KLHDC4: variants seen among roughly 807,000 people sequenced by gnomAD.
The protein encoded by KLHDC4 is kelch domain containing 4, also known as kelch domain-containing protein 4.
KLHDC4 carries 90 observed loss-of-function variants against 62.4 expected under a neutral mutation model. The observed-to-expected ratio is 1.44, with a 90% CI of 1.22 to 1.72. The LOEUF is 1.72. Among genes scored for constraint, KLHDC4 ranks in the 40% most tolerant of loss-of-function variants. The pLI is 0.00. For synonymous variants in KLHDC4, 386 were observed against 284.4 expected, an observed-to-expected ratio of 1.36 and a Z score of -3.59; for missense variants, 1,025 against 699.7, an observed-to-expected ratio of 1.47 and a Z score of -5.25.
At chr16:87,755,612 A>G (rs1432863972) in intron 3 of KLHDC4, 1 of 225,884 alleles carries the variant, frequency 4.4e-6, no homozygotes, top group African/African-American at 2.3e-5. Flanking sequence ...TGTTGCCCAC[A>G]ATGGAGTGCA....
At chr16:87,736,829 C>A (rs1052504738) in intron 5 of KLHDC4, among the ~76,000 whole-genome samples, 1 of 152,070 alleles carries the variant, frequency 6.6e-6, no homozygotes, top group African/African-American at 2.4e-5. Context: ...TCTCATTTTA[C>A]AGACAAGGAA....
chr16:87,731,326 A>G (rs374495778), intron 5 of KLHDC4, among the ~76,000 whole-genome samples: 4 of 151,436 alleles, frequency 2.6e-5, no homozygotes, highest in African/African-American at 9.7e-5. Context: ...CCTGACTCAG[A>G]CTCCCAAAGT....
chr16:87,753,898 G>C (rs973003762), intron 4 of KLHDC4, among the ~76,000 whole-genome samples: 8 of 150,804 alleles, frequency 5.3e-5, no homozygotes, highest in Non-Finnish European at 2.9e-5. Context: ...GCTTGAACCC[G>C]GCAGGCGGAG....
intron 5 of KLHDC4, among the ~76,000 whole-genome samples, chr16:87,743,539 G>C (rs1406361891): frequency 6.6e-6 from 1 of 151,868 alleles, no homozygotes; most frequent in Non-Finnish European, 1.5e-5. Flanking sequence ...AGGAGATCGA[G>C]ACCATCCTGG....
chr16:87,746,883 G>C (rs1002763589), intron 5 of KLHDC4, among the ~76,000 whole-genome samples: 2 of 152,198 alleles, frequency 1.3e-5, no homozygotes, highest in African/African-American at 2.4e-5. Flanking sequence ...AGCATTCGAG[G>C]AATGAGGTGT....
chr16:87,723,942 T>C (rs1456415565), intron 7 of KLHDC4, among the ~76,000 whole-genome samples: 1 of 152,220 alleles, frequency 6.6e-6, no homozygotes, highest in Non-Finnish European at 1.5e-5. Flanking sequence ...GTTCAAGTGA[T>C]TCTCCTATCT....
chr16:87,719,055 G>T (rs1482709935), intron 7 of KLHDC4, among the ~76,000 whole-genome samples: 1 of 151,612 alleles, frequency 6.6e-6, no homozygotes, highest in Non-Finnish European at 1.5e-5. Context: ...GAGGTGGGGG[G>T]CAGCCCCCGC....
chr16:87,723,412 C>T (rs1024609145), intron 7 of KLHDC4, among the ~76,000 whole-genome samples: 2 of 152,262 alleles, frequency 1.3e-5, no homozygotes, highest in East Asian at 1.9e-4. Flanking sequence ...GAATGACACG[C>T]GACTCTGATG....
rs201340941 is a variant in KLHDC4, at chr16:87,726,856, G to T, written c.668C>A (p.Pro223Gln). ...TCTGGGTGTGGGCCCCGTCCCTGAC[G>T]GGGACAGCTTGCTCCATGTGAAGGT... ...LDTFTWSKLS[P>Q]SGTGPTPRSG... The change falls in exon 7 of 12, where the codon CCG (proline) becomes CAG (glutamine). Residue 223 changes from proline (P) to glutamine (Q), a missense_variant. By Grantham distance (76) the Pro-to-Gln change is moderately conservative. Transcript: ENST00000270583. 7.4e-6 allele frequency: 12 copies of T among 1,613,326 alleles called. No individual in the cohort carries two copies. Among genetic ancestry groups the T allele is most frequent in the Non-Finnish European group, 1.0e-5 (12 of 1,179,764 alleles).
chr16:87,704,713 TA>T (rs562360889), downstream of KLHDC4, among the ~76,000 whole-genome samples: 1,044 of 149,730 alleles, frequency 7.0e-3, 16 homozygotes, highest in Middle Eastern at 0.024. Flanking sequence ...CCAACTCAAT[TA>T]AAAAAAAAAT....
At chr16:87,758,627 T>C (rs979728382) in intron 2 of KLHDC4, among the ~76,000 whole-genome samples, 1 of 152,082 alleles carries the variant, frequency 6.6e-6, no homozygotes, top group Non-Finnish European at 1.5e-5. Context: ...GGAAGAAGAA[T>C]TGTCTCGGGC....
At chr16:87,752,499 G>A (rs1313010574) in intron 4 of KLHDC4, among the ~76,000 whole-genome samples, 1 of 151,980 alleles carries the variant, frequency 6.6e-6, no homozygotes, top group African/African-American at 2.4e-5. Context: ...ACGACGCCCA[G>A]GTAATTTTTG....
At chr16:87,732,726 C>T (rs567986969) in intron 5 of KLHDC4, among the ~76,000 whole-genome samples, 3 of 152,254 alleles carry the variant, frequency 2.0e-5, no homozygotes, top group East Asian at 3.9e-4. Flanking sequence ...AAAAACAGCA[C>T]GTGAAAAGGC....
chr16:87,729,882 G>T (rs138345475), intron 6 of KLHDC4, among the ~76,000 whole-genome samples: 2 of 152,218 alleles, frequency 1.3e-5, no homozygotes, highest in African/African-American at 4.8e-5. Flanking sequence ...ACTCAGAGCT[G>T]CGATCAGCAC....
At chr16:87,730,229 T>C (rs535318273) in intron 6 of KLHDC4, among the ~76,000 whole-genome samples, 42 of 152,360 alleles carry the variant, frequency 2.8e-4, no homozygotes, top group African/African-American at 9.4e-4. Flanking sequence ...GCTGGGATTA[T>C]AGGCGTGAGG....
intron 7 of KLHDC4, among the ~76,000 whole-genome samples, chr16:87,716,310 G>A (rs1234754195): frequency 6.6e-6 from 1 of 152,058 alleles, no homozygotes; most frequent in Non-Finnish European, 1.5e-5. Context: ...TAGACTTTGG[G>A]TACACGCTAT....
At chr16:87,744,402 T>C (rs1456878527) in intron 5 of KLHDC4, among the ~76,000 whole-genome samples, 17 of 141,214 alleles carry the variant, frequency 1.2e-4, no homozygotes, top group Non-Finnish European at 2.1e-4. Context: ...GCGACGAGAA[T>C]GAGACTCCGT....
At position 87,711,387 on chromosome 16, in the gene KLHDC4, C is replaced by G; in HGVS notation, c.892G>C (p.Gly298Arg). Residue 298 changes from glycine to arginine, a missense_variant, in exon 9 of 12, where the codon GGC (glycine) becomes CGC (arginine). Physicochemically the swap from Gly to Arg is moderately radical, Grantham distance 125. Transcript: ENST00000270583. ...PSGVKPTPRS[G>R]FSVAMAPNHQ... Reference sequence around the variant, plus strand: ...TTCGGGGCCATGGCCACGGAAAAGCCAGACCGTGGGGTGGGCTTGACCCCC... The same window carrying G: ...TTCGGGGCCATGGCCACGGAAAAGCGAGACCGTGGGGTGGGCTTGACCCCC... The G allele has an allele frequency of 1.9e-6, 3 of 1,613,710 alleles. No individual in the cohort carries two copies. Among genetic ancestry groups the G allele is most frequent in the Non-Finnish European group, 2.5e-6 (3 of 1,180,014 alleles).
chr16:87,730,264 T>C (rs2143002930), intron 6 of KLHDC4, among the ~76,000 whole-genome samples: 1 of 152,326 alleles, frequency 6.6e-6, no homozygotes, highest in African/African-American at 2.4e-5. Context: ...AAAACCCCAT[T>C]TTAGATAGAA....
Sources: allele counts gnomAD v4.1 joint callset (sites outside exome capture counted in the v4.1 genomes callset), GRCh38; gene constraint gnomAD v4.1.1; transcripts MANE v1.5; gene names NCBI Gene and HGNC (gene_info 2026-07-23, HGNC 2026-07-21).